Variants in PPP1R12B observed in about 807,000 individuals in gnomAD.
PPP1R12B encodes myosin phosphatase target subunit 2.
A neutral mutation model predicts 126.1 loss-of-function variants in PPP1R12B; 76 were observed. That is an observed-to-expected ratio of 0.60 (90% CI 0.50 to 0.73). The LOEUF (loss-of-function observed/expected upper bound fraction) is 0.73. Among genes scored for constraint, PPP1R12B ranks in the 30% least tolerant of loss-of-function variants. The pLI is 0.00. For synonymous variants in PPP1R12B, 356 were observed against 434.7 expected (o/e 0.82, Z 2.25); for missense variants, 1,052 against 1,205.1 (o/e 0.87, Z 1.88).
chr1:202,586,879 T>C lies in PPP1R12B; in HGVS notation c.*6319T>C, dbSNP rs1689847292. On this transcript the variant is annotated 3_prime_UTR_variant, in exon 24 of 24. Transcript: ENST00000608999. Reference sequence around the variant, plus strand: ...AGGTTTAGCAATTTGGGGATAACTCTTGGATCTAGCTTATGTGCGTTCACA... The same window carrying C: ...AGGTTTAGCAATTTGGGGATAACTCCTGGATCTAGCTTATGTGCGTTCACA... The C allele has an allele frequency of 6.6e-6, 1 of 152,272 alleles. No individual in the cohort carries two copies. Among genetic ancestry groups the C allele is most frequent in the Admixed American group, 6.5e-5 (1 of 15,290 alleles). The allele number at this position is 152,272 out of a possible 1,614,324, so 9.4% of individuals were successfully genotyped here.
At chr1:202,573,219 T>C (rs138555377) in intron 23 of PPP1R12B, among the ~76,000 whole-genome samples, 1 of 152,266 alleles carries the variant, frequency 6.6e-6, no homozygotes, top group African/African-American at 2.4e-5. Flanking sequence ...CCCTCCTCTA[T>C]CCTCACCATG....
chr1:202,592,404 G>A lies in PPP1R12B; in HGVS notation c.*11844G>A, dbSNP rs1374947481. ...TTTCCCGATGGGAGGAGGCAGGGGT[G>A]GGGCTGGGGAACAAAGACTTTACAC... On this transcript the variant is annotated 3_prime_UTR_variant, in exon 24 of 24. Coordinates refer to ENST00000608999, the MANE Select transcript of PPP1R12B (RefSeq NM_002481.4). The A allele has an allele frequency of 2.0e-5, 3 of 152,630 alleles. No individual in the cohort carries two copies. Among genetic ancestry groups the A allele is most frequent in the Non-Finnish European group, 2.9e-5 (2 of 68,062 alleles). The allele number at this position is 152,630 out of a possible 1,614,324, so 9.5% of individuals were successfully genotyped here. A position where few individuals can be genotyped will look rare whatever the true frequency, so the allele number is the denominator to read the frequency against.
chr1:202,451,214 G>C (rs938427435), intron 13 of PPP1R12B, among the ~76,000 whole-genome samples: 32 of 147,224 alleles, frequency 2.2e-4, no homozygotes, highest in Non-Finnish European at 3.6e-4. Context: ...GGTGTTCCTC[G>C]CAGAGGGGGA....
chr1:202,569,819 C>G (rs1688422190), intron 23 of PPP1R12B, among the ~76,000 whole-genome samples: 1 of 152,204 alleles, frequency 6.6e-6, no homozygotes, highest in Non-Finnish European at 1.5e-5. Flanking sequence ...TCACCATGAC[C>G]TGCAGTGACC....
chr1:202,395,675 T>C (rs535635891), intron 1 of PPP1R12B, among the ~76,000 whole-genome samples: 4 of 152,376 alleles, frequency 2.6e-5, no homozygotes, highest in African/African-American at 7.2e-5. Flanking sequence ...CCAGTTCTAA[T>C]TGGGACTTCC....
chr1:202,496,480 C>T (rs2148860470), intron 17 of PPP1R12B, among the ~76,000 whole-genome samples: 1 of 152,250 alleles, frequency 6.6e-6, no homozygotes, highest in Middle Eastern at 3.4e-3. Context: ...TGTTTTAGGG[C>T]TAAATTGACT....
chr1:202,391,452 G>A (rs527542203), intron 1 of PPP1R12B, among the ~76,000 whole-genome samples: 2 of 152,096 alleles, frequency 1.3e-5, no homozygotes, highest in Non-Finnish European at 2.9e-5. Context: ...TGGGGCAGCC[G>A]CTGAAAAACA....
rs1326692644 is a variant in PPP1R12B, at chr1:202,437,854, C to T, written c.1288C>T (p.Pro430Ser). ...SSGLFNKPEE[P>S]KDESPSSWRL... ...TGGCCTTTTTAACAAGCCAGAAGAGCCCAAAGATGAATCTCCTTCTTCATG... is the reference window on the plus strand; with the variant it reads ...TGGCCTTTTTAACAAGCCAGAAGAGTCCAAAGATGAATCTCCTTCTTCATG... Residue 430 changes from proline (P) to serine (S), a missense_variant, in exon 10 of 24, where the codon CCC becomes TCC. Coordinates refer to ENST00000608999, the MANE Select transcript of PPP1R12B (RefSeq NM_002481.4). 1 of 1,613,636 alleles carries T rather than the reference C, an allele frequency of 6.2e-7. No homozygotes were observed. Among genetic ancestry groups the T allele is most frequent in the Non-Finnish European group, 8.5e-7 (1 of 1,179,732 alleles).
chr1:202,515,835 G>A (rs923226370), intron 18 of PPP1R12B, among the ~76,000 whole-genome samples: 1 of 152,148 alleles, frequency 6.6e-6, no homozygotes, highest in Non-Finnish European at 1.5e-5. Flanking sequence ...GATTACAGGT[G>A]TGCACCACCA....
At chr1:202,511,088 T>C (rs1681440151) in intron 18 of PPP1R12B, among the ~76,000 whole-genome samples, 2 of 147,436 alleles carry the variant, frequency 1.4e-5, no homozygotes, top group South Asian at 4.2e-4. Flanking sequence ...ATTAGCAGAG[T>C]CTTTTAAAGT....
At chr1:202,379,861 A>G (rs1201647403) in intron 1 of PPP1R12B, among the ~76,000 whole-genome samples, 2 of 152,224 alleles carry the variant, frequency 1.3e-5, no homozygotes, top group Admixed American at 1.3e-4. Flanking sequence ...AAAAATACAG[A>G]TGCCTGAGCC....
intron 13 of PPP1R12B, chr1:202,471,795 G>T (rs1675934200): frequency 5.9e-6 from 6 of 1,009,988 alleles, no homozygotes; most frequent in South Asian, 1.7e-5. Flanking sequence ...ATGGGTAAAA[G>T]TTTTTTTTTT....
chr1:202,483,439 T>C (rs986812812), intron 13 of PPP1R12B, among the ~76,000 whole-genome samples: 2 of 152,030 alleles, frequency 1.3e-5, no homozygotes, highest in Non-Finnish European at 2.9e-5. Flanking sequence ...AAAAAGTATA[T>C]GTAAAAAGAG....
intron 18 of PPP1R12B, chr1:202,540,084 C>G: frequency 2.0e-6 from 3 of 1,530,194 alleles, no homozygotes; most frequent in Non-Finnish European, 2.6e-6. Flanking sequence ...AGGGAAATTT[C>G]CCAGCTTTGT....
At chr1:202,489,467 C>G (rs1274022754) in intron 14 of PPP1R12B, among the ~76,000 whole-genome samples, 2 of 152,172 alleles carry the variant, frequency 1.3e-5, no homozygotes, top group Non-Finnish European at 2.9e-5. Context: ...AGCCAAATGT[C>G]TATTAACTAA....
At chr1:202,496,945 C>T in intron 18 of PPP1R12B, 123 bp downstream of exon 18, 1 of 973,478 alleles carries the variant, frequency 1.0e-6, no homozygotes, top group Non-Finnish European at 1.6e-6. Flanking sequence ...TGGAGATAGA[C>T]ATTCCTCTAA....
chr1:202,565,797 G>T lies in PPP1R12B; in HGVS notation c.2757+1250G>T, dbSNP rs965191413. Among the ~76,000 whole-genome samples, 1 of 151,852 alleles carries T rather than the reference G, an allele frequency of 6.6e-6. No individual in the cohort carries two copies. Among genetic ancestry groups the T allele is most frequent in the South Asian group, 2.1e-4 (1 of 4,816 alleles). ...TGATTTTGTGGAATAAGAAAAGTAG[G>T]TTTCTAAATCTAAAAGAGAAAAATA... On this transcript the variant is annotated intron_variant, in intron 21 of 23. Transcript: ENST00000608999. The surrounding 1 kb of genome is among the most constrained non-coding windows in gnomAD (Gnocchi z 4.3).
At chr1:202,438,101 A>G in intron 10 of PPP1R12B, 77 bp downstream of exon 10, 5 of 1,600,106 alleles carry the variant, frequency 3.1e-6, no homozygotes, top group Non-Finnish European at 4.3e-6. Flanking sequence ...GGAACAAATG[A>G]AAATATTTTC....
intron 1 of PPP1R12B, among the ~76,000 whole-genome samples, chr1:202,387,996 GA>G (rs1024478852): frequency 6.0e-5 from 9 of 149,142 alleles, no homozygotes; most frequent in South Asian, 2.1e-4. Flanking sequence ...TGAAATTTCA[GA>G]AAAAAAATTA....
Sources: gnomAD v4.1 joint callset for allele counts (sites outside exome capture counted in the v4.1 genomes callset) on GRCh38, gnomAD v4.1.1 for gene constraint, Gnocchi (gnomAD v3.1) non-coding constraint, MANE v1.5 for transcripts, NCBI Gene and HGNC (gene_info 2026-07-23, HGNC 2026-07-21) for gene names.